Variants in MYO1B observed in about 807,000 individuals in gnomAD.
MYO1B encodes unconventional myosin-Ib.
In MYO1B, 72 loss-of-function variants were observed where a neutral mutation model predicts 159.7. The observed-to-expected ratio is 0.45, with a 90% CI of 0.37 to 0.55. MYO1B has a LOEUF of 0.55. Ranked by LOEUF, MYO1B falls within the 20% of genes least tolerant of loss-of-function variation. The probability of loss-of-function intolerance (pLI) is 0.00; values close to 1 mark genes in which losing one functional copy is unlikely to be tolerated. For missense variants in MYO1B, 1,062 were observed against 1,364.8 expected, an observed-to-expected ratio of 0.78 and a Z score of 3.50; for synonymous variants, 468 against 473.8, an observed-to-expected ratio of 0.99 and a Z score of 0.16.
At chr2:191,325,167 A>G (rs1240603407) in intron 3 of MYO1B, among the ~76,000 whole-genome samples, 5 of 152,146 alleles carry the variant, frequency 3.3e-5, no homozygotes, top group Non-Finnish European at 5.9e-5. Flanking sequence ...TTTGGGGGTT[A>G]GTTTAGAAAC....
intron 6 of MYO1B, among the ~76,000 whole-genome samples, chr2:191,347,197 G>T (rs1362634830): frequency 1.3e-5 from 2 of 152,056 alleles, no homozygotes; most frequent in Admixed American, 1.3e-4. Context: ...CCTCCTTAAG[G>T]TTATTTTGTG....
intron 3 of MYO1B, among the ~76,000 whole-genome samples, chr2:191,315,680 G>C (rs1171252027): frequency 6.6e-6 from 1 of 152,216 alleles, no homozygotes; most frequent in Non-Finnish European, 1.5e-5. Flanking sequence ...CTGTGAGACT[G>C]ACTATGTGAA....
intron 6 of MYO1B, among the ~76,000 whole-genome samples, chr2:191,348,974 C>CT (rs1417742521): frequency 1.3e-5 from 2 of 152,218 alleles, no homozygotes; most frequent in African/African-American, 4.8e-5. Context: ...CTCCCACCTC[C>CT]TTGCCCACCT....
Position 191,414,150 on chromosome 2 carries a change from C to T in MYO1B, c.2976C>T (p.Val992=), listed in dbSNP as rs192049946. The T allele has an allele frequency of 1.2e-4, 191 of 1,612,834 alleles. 1 individual carries two copies. The Admixed American group carries it at 2.8e-3, about 24-fold the overall frequency. The change falls in exon 28 of 31, where the codon GTC becomes GTT. Residue 992 remains valine, a synonymous_variant. Coordinates refer to ENST00000392318, the MANE Select transcript of MYO1B (RefSeq NM_001130158.3). ...AIEEKIIIAE[V]VNKINRANGK... is the part of the protein sequence containing the mutation. Reference sequence around the variant, plus strand: ...AAGAAAAGATCATCATTGCTGAAGTCGTGAACAAAATTAACCGTGCTAATG... The same window carrying T: ...AAGAAAAGATCATCATTGCTGAAGTTGTGAACAAAATTAACCGTGCTAATG...
intron 3 of MYO1B, among the ~76,000 whole-genome samples, chr2:191,324,688 G>A (rs1690940344): frequency 6.6e-6 from 1 of 152,076 alleles, no homozygotes; most frequent in African/African-American, 2.4e-5. Flanking sequence ...CCAGTGTTGT[G>A]GCTAGCAGGG....
chr2:191,330,067 G>T (rs1482890922), intron 4 of MYO1B, 38 bp downstream of exon 4: 2 of 1,565,722 alleles, frequency 1.3e-6, no homozygotes, highest in Non-Finnish European at 1.8e-6. Flanking sequence ...GAAGGTAAAT[G>T]CTGCACAGAA....
At chr2:191,286,110 G>T (rs967098100) in intron 2 of MYO1B, among the ~76,000 whole-genome samples, 1 of 152,028 alleles carries the variant, frequency 6.6e-6, no homozygotes, top group African/African-American at 2.4e-5. Context: ...TGTAAAATTA[G>T]GCTATTAGCA....
intron 17 of MYO1B, chr2:191,387,759 A>T: frequency 5.3e-6 from 2 of 374,078 alleles, no homozygotes; most frequent in South Asian, 6.3e-5. Context: ...AAGTTAAAAA[A>T]CAAAATGCAA....
At chr2:191,254,243 G>A (rs1574267001) in intron 1 of MYO1B, among the ~76,000 whole-genome samples, 2 of 151,746 alleles carry the variant, frequency 1.3e-5, no homozygotes, top group African/African-American at 4.8e-5. Context: ...ACAGAGTTTC[G>A]CTCTTGCTGC....
chr2:191,326,857 A>G (rs1400714942), intron 3 of MYO1B, among the ~76,000 whole-genome samples: 1 of 149,658 alleles, frequency 6.7e-6, no homozygotes, highest in East Asian at 2.0e-4. Flanking sequence ...GTAATTTTGC[A>G]TTATTTTGGA....
Position 191,363,840 on chromosome 2 carries a change from A to G in MYO1B, c.878A>G (p.Asn293Ser). ...GAGTTCAAGCCCGAATCTCGAGTGAATGGTCTAGATGAAAGCAAAATCAAA... is the reference window on the plus strand; with the variant it reads ...GAGTTCAAGCCCGAATCTCGAGTGAGTGGTCTAGATGAAAGCAAAATCAAA... ...NIEFKPESRV[N>S]GLDESKIKDK... The change falls in exon 10 of 31, where the codon AAT (asparagine) becomes AGT (serine). Residue 293 changes from asparagine (N) to serine (S), a missense_variant. By Grantham distance (46) the Asn-to-Ser change is conservative. Coordinates refer to ENST00000392318, the MANE Select transcript of MYO1B (RefSeq NM_001130158.3). 6.2e-7 allele frequency: 1 copy of G among 1,613,788 alleles called. No individual in the cohort carries two copies. Among genetic ancestry groups the G allele is most frequent in the Non-Finnish European group, 8.5e-7 (1 of 1,179,894 alleles).
chr2:191,253,274 G>A lies in MYO1B; in HGVS notation c.-10+7648G>A, dbSNP rs376140661. Among the ~76,000 whole-genome samples the A allele has an allele frequency of 3.9e-5, 6 of 152,252 alleles. No individual in the cohort carries two copies. The East Asian group carries it at 9.6e-4, about 24-fold the overall frequency. On this transcript the variant is annotated intron_variant, in intron 1 of 30. Transcript: ENST00000392318. ...CCAACTTATGTCACCATTGTACCAC[G>A]TTTTGGGGGGATCATTTCGTAGATA... is the stretch of plus-strand genomic sequence containing the variant.
chr2:191,413,979 C>G, intron 27 of MYO1B, 69 bp from the exon 28 acceptor site: 1 of 1,500,262 alleles, frequency 6.7e-7, no homozygotes, highest in South Asian at 1.4e-5. Flanking sequence ...ATCAACTGAC[C>G]TGTTTCCTTT....
intron 15 of MYO1B, among the ~76,000 whole-genome samples, chr2:191,384,666 A>G (rs1180235285): frequency 6.6e-6 from 1 of 152,210 alleles, no homozygotes; most frequent in Non-Finnish European, 1.5e-5. Context: ...GTAATTTGCT[A>G]TGGGAATCTT....
chr2:191,296,595 G>A (rs1009822050), intron 3 of MYO1B, among the ~76,000 whole-genome samples: 3 of 152,216 alleles, frequency 2.0e-5, no homozygotes, highest in Admixed American at 6.5e-5. Context: ...AAAATCCTGA[G>A]TGTTGGGTTG....
At chr2:191,300,808 G>A (rs1689281899) in intron 3 of MYO1B, among the ~76,000 whole-genome samples, 1 of 151,774 alleles carries the variant, frequency 6.6e-6, no homozygotes, top group South Asian at 2.1e-4. Context: ...TTCACTGTTA[G>A]TCTGCAAAAG....
chr2:191,415,489 T>G (rs1697501413), intron 29 of MYO1B, among the ~76,000 whole-genome samples: 1 of 152,186 alleles, frequency 6.6e-6, no homozygotes, highest in Admixed American at 6.5e-5. Context: ...CAGTGACACA[T>G]GTAAACAGCT....
rs116088169 is a variant in MYO1B at position 191,405,960 on chromosome 2, T to C, written c.2557-2155T>C. On this transcript the variant is annotated intron_variant, in intron 24 of 30. Transcript: ENST00000392318. ...CAGACATTAGCTTTTCCTCTCTAGC[T>C]ATGAAAGTCTAGATGGCATCTTCTT... Among the ~76,000 whole-genome samples the C allele has an allele frequency of 5.2e-3, 790 of 152,380 alleles. 4 individuals are homozygous for C. Among genetic ancestry groups the C allele is most frequent in the Non-Finnish European group, 9.6e-3 (653 of 68,030 alleles).
At position 191,385,337 on chromosome 2, in the gene MYO1B, A is replaced by G. The variant is rs571234535; in HGVS notation, c.1354-547A>G. On this transcript the variant is annotated intron_variant, in intron 15 of 30. Coordinates refer to ENST00000392318, the MANE Select transcript of MYO1B (RefSeq NM_001130158.3). ...TCTTGAAATCAGTTTGATTGCAGTG[A>G]TTGTTAAAAGCAGCATCTCAAATCA... 7.9e-5 allele frequency among the ~76,000 whole-genome samples: 12 copies of G among 152,352 alleles called. 2 individuals are homozygous for G. The South Asian group carries it at 2.5e-3, about 32-fold the overall frequency.
Sources: gnomAD v4.1 joint callset for allele counts (sites outside exome capture counted in the v4.1 genomes callset) on GRCh38, gnomAD v4.1.1 for gene constraint, MANE v1.5 for transcripts, NCBI Gene and HGNC (gene_info 2026-07-23, HGNC 2026-07-21) for gene names.